ST3GAL3: variants seen among roughly 807,000 people sequenced by gnomAD.
ST3GAL3 encodes the protein ST3 beta-galactoside alpha-2,3-sialyltransferase 3, also known as CMP-N-acetylneuraminate-beta-1,4-galactoside alpha-2,3-sialyltransferase.
In ST3GAL3, 21 loss-of-function variants were observed where a neutral mutation model predicts 50.1. That is an observed-to-expected ratio of 0.42 (90% CI 0.30 to 0.60). ST3GAL3 has a LOEUF of 0.60. ST3GAL3 is among the 20% of genes least tolerant of loss of function. The probability of loss-of-function intolerance (pLI) is 0.19; values close to 1 mark genes in which losing one functional copy is unlikely to be tolerated. For synonymous variants in ST3GAL3, 183 were observed against 190.0 expected, an observed-to-expected ratio of 0.96 and a Z score of 0.30; for missense variants, 353 against 489.4, an observed-to-expected ratio of 0.72 and a Z score of 2.63.
chr1:43,814,376 T>G (rs1030273241), intron 3 of ST3GAL3, among the ~76,000 whole-genome samples: 1 of 152,240 alleles, frequency 6.6e-6, no homozygotes, highest in Non-Finnish European at 1.5e-5. Flanking sequence ...CAATTTATCT[T>G]TAAATTTTAT....
chr1:43,721,246 TAAAAA>T (rs2154072401), intron 1 of ST3GAL3, among the ~76,000 whole-genome samples: 1 of 145,908 alleles, frequency 6.9e-6, no homozygotes, highest in East Asian at 2.0e-4. Flanking sequence ...CCCTGTCTCT[TAAAAA>T]GAAAAAAAAA....
chr1:43,887,047 G>A (rs1000201778), intron 5 of ST3GAL3, among the ~76,000 whole-genome samples: 7 of 152,278 alleles, frequency 4.6e-5, no homozygotes, highest in African/African-American at 1.7e-4. Context: ...AGCTGAGGGA[G>A]TACCTATCTG....
At chr1:43,781,853 G>A (rs1699472192) in intron 2 of ST3GAL3, among the ~76,000 whole-genome samples, 1 of 152,084 alleles carries the variant, frequency 6.6e-6, no homozygotes, top group Admixed American at 6.6e-5. Flanking sequence ...AATCTATTGG[G>A]CAATCTACTT....
chr1:43,864,393 G>A (rs909124890), intron 5 of ST3GAL3, among the ~76,000 whole-genome samples: 14 of 152,224 alleles, frequency 9.2e-5, no homozygotes, highest in African/African-American at 3.1e-4. Context: ...CTGCAGGCAG[G>A]AGAGGCTTCC....
At chr1:43,926,327 G>C (rs967102245) in intron 11 of ST3GAL3, among the ~76,000 whole-genome samples, 1 of 152,186 alleles carries the variant, frequency 6.6e-6, no homozygotes, top group African/African-American at 2.4e-5. Flanking sequence ...GGTCCCTCAC[G>C]CCTGTAATCC....
At chr1:43,869,784 T>G (rs1347280984) in intron 5 of ST3GAL3, among the ~76,000 whole-genome samples, 1 of 152,192 alleles carries the variant, frequency 6.6e-6, no homozygotes, top group Non-Finnish European at 1.5e-5. Flanking sequence ...TCTCTTTATC[T>G]TCCATAGATT....
intron 5 of ST3GAL3, among the ~76,000 whole-genome samples, chr1:43,853,994 G>T (rs980039876): frequency 6.6e-6 from 1 of 152,124 alleles, no homozygotes; most frequent in Admixed American, 6.5e-5. Context: ...ACATTACAAA[G>T]CCCCTCTCTC....
At chr1:43,878,920 T>G (rs896420900) in intron 5 of ST3GAL3, 2 of 426,964 alleles carry the variant, frequency 4.7e-6, no homozygotes, top group Admixed American at 2.6e-5. Context: ...AATGGGCAGC[T>G]CCTGTTCACA....
At chr1:43,835,536 C>G (rs904912236) in intron 4 of ST3GAL3, among the ~76,000 whole-genome samples, 3 of 152,112 alleles carry the variant, frequency 2.0e-5, no homozygotes, top group Non-Finnish European at 2.9e-5. Flanking sequence ...ATGGAGAGAG[C>G]AGTATCTCCT....
chr1:43,851,029 G>A, intron 5 of ST3GAL3: 1 of 844,398 alleles, frequency 1.2e-6, no homozygotes. Flanking sequence ...CACGCCAGCT[G>A]CCACCAGCCT....
chr1:43,834,575 C>T (rs1384215948), intron 4 of ST3GAL3, among the ~76,000 whole-genome samples: 5 of 152,182 alleles, frequency 3.3e-5, no homozygotes, highest in Admixed American at 2.0e-4. Flanking sequence ...ACTTCGTTGA[C>T]CACAGCCTCA....
intron 5 of ST3GAL3, among the ~76,000 whole-genome samples, chr1:43,855,741 T>C (rs2068227461): frequency 6.6e-6 from 1 of 152,046 alleles, no homozygotes; most frequent in Non-Finnish European, 1.5e-5. Context: ...GAAAAAATAA[T>C]TTTTAAAATT....
At chr1:43,921,670 T>C (rs1172646780) in intron 11 of ST3GAL3, 6 of 398,708 alleles carry the variant, frequency 1.5e-5, no homozygotes, top group Admixed American at 4.4e-5. Context: ...TCAGCCCTCA[T>C]TCCTGCTTAT....
intron 2 of ST3GAL3, among the ~76,000 whole-genome samples, chr1:43,753,881 G>A (rs551303623): frequency 6.6e-5 from 10 of 152,130 alleles, no homozygotes; most frequent in Non-Finnish European, 1.3e-4. Flanking sequence ...GCTGGACCTG[G>A]AAGGGCTGTA....
At chr1:43,742,789 G>A (rs1179738449) in intron 2 of ST3GAL3, among the ~76,000 whole-genome samples, 2 of 152,202 alleles carry the variant, frequency 1.3e-5, no homozygotes, top group Non-Finnish European at 2.9e-5. Flanking sequence ...TGTAGTAACT[G>A]AAATGGAAGT....
intron 5 of ST3GAL3, among the ~76,000 whole-genome samples, chr1:43,852,535 C>A (rs1574266312): frequency 6.6e-6 from 1 of 152,206 alleles, no homozygotes. Context: ...TGGCTGCCAA[C>A]ACCTAGCAGA....
Position 43,736,398 on chromosome 1 carries a change from A to T in ST3GAL3, c.118+18A>T. On this transcript the variant is annotated intron_variant, in intron 2 of 11. Transcript: ENST00000347631. ...GGACTCCAGTAAGTATAGTCACTCT[A>T]GCTCACCCCAGGAGAAGCCTGTTGC... The T allele has an allele frequency of 1.2e-6, 2 of 1,614,120 alleles. No individual in the cohort carries two copies. Among genetic ancestry groups the T allele is most frequent in the East Asian group, 2.2e-5 (1 of 44,878 alleles).
chr1:43,905,769 T>C (rs142328051), intron 9 of ST3GAL3, among the ~76,000 whole-genome samples: 2,632 of 99,228 alleles, frequency 0.027, 147 homozygotes, highest in South Asian at 0.059. Context: ...CTCCTGCTCC[T>C]CTTCCTGCCA....
intron 2 of ST3GAL3, among the ~76,000 whole-genome samples, chr1:43,754,380 C>T (rs1687274659): frequency 1.3e-5 from 2 of 152,042 alleles, no homozygotes; most frequent in Non-Finnish European, 2.9e-5. Flanking sequence ...TTAGTAGAGA[C>T]GAGGTTTCAC....
Sources: allele counts gnomAD v4.1 joint callset (sites outside exome capture counted in the v4.1 genomes callset), GRCh38; gene constraint gnomAD v4.1.1; transcripts MANE v1.5; gene names NCBI Gene and HGNC (gene_info 2026-07-23, HGNC 2026-07-21).